Variants in MRGPRE observed in about 807,000 individuals in gnomAD.
MRGPRE encodes the protein mas-related G protein-coupled receptor member E.
For synonymous variants in MRGPRE, 229 were observed against 206.7 expected (o/e 1.11, Z -0.92); for missense variants, 466 against 433.4 (o/e 1.08, Z -0.67).
At position 3,228,793 on chromosome 11, in the gene MRGPRE, C is replaced by T. The variant is rs1167632426; in HGVS notation, c.7G>A (p.Glu3Lys). The T allele has an allele frequency of 6.2e-7, 1 of 1,604,112 alleles. No homozygotes were observed. The highest frequency in any genetic ancestry group is 1.1e-5 in the South Asian group (1 of 90,490). ...ACGTGCTGTCCAGCTTCTCTGGGCTCCATCATGGGGCGGGGGGCCAGGGGA... is the reference window on the plus strand; with the variant it reads ...ACGTGCTGTCCAGCTTCTCTGGGCTTCATCATGGGGCGGGGGGCCAGGGGA... MM[E>K]PREAGQHVGA... Residue 3 changes from glutamate to lysine, a missense_variant, in exon 2 of 2, where the codon GAG becomes AAG. Coordinates refer to ENST00000389832, the MANE Select transcript of MRGPRE (RefSeq NM_001039165.4).
In MRGPRE at chr11:3,225,310, C is replaced by G. The variant is rs1018198209; in HGVS notation, c.*2551G>C. On this transcript the variant is annotated 3_prime_UTR_variant, in exon 2 of 2. Transcript: ENST00000389832. The stretch of plus-strand genomic sequence containing the variant: ...GTTGGCTGCCCCCAGGAGTAGCCGC[C>G]TGTTCTTGGGAATTCTGTGCTGACC... 6.6e-6 allele frequency among the ~76,000 whole-genome samples: 1 copy of G among 152,256 alleles called. No individual in the cohort carries two copies. The highest frequency in any genetic ancestry group is 2.1e-4 in the South Asian group (1 of 4,834).
rs764520679 is a variant in MRGPRE at position 3,229,108 on chromosome 11, G to C, written c.-61-248C>G. Among the ~76,000 whole-genome samples the C allele has an allele frequency of 2.0e-5, 3 of 152,098 alleles. No homozygotes were observed. The highest frequency in any genetic ancestry group is 4.4e-5 in the Non-Finnish European group (3 of 68,030). On this transcript the variant is annotated intron_variant, in intron 1 of 1. Transcript: ENST00000389832. The surrounding 1 kb of genome is among the most constrained non-coding windows in gnomAD (Gnocchi z 4.4). ...GGCCTCAAGAGCCTTCCGTGGGGCT[G>C]GTCCCTGTAGGCCAGGTGGGGGCAG...
rs1431684980 is a variant in MRGPRE, at chr11:3,226,771, A to T, written c.*1090T>A. On this transcript the variant is annotated 3_prime_UTR_variant, in exon 2 of 2. Coordinates refer to ENST00000389832, the MANE Select transcript of MRGPRE (RefSeq NM_001039165.4). ...GTTGGTGGCAGTAGAATCGACAGAC[A>T]TTTCTCTTGGGCTCACGAGAGGCTG... Among the ~76,000 whole-genome samples, 1 of 152,162 alleles carries T rather than the reference A, an allele frequency of 6.6e-6. No individual in the cohort carries two copies. Among genetic ancestry groups the T allele is most frequent in the East Asian group, 1.9e-4 (1 of 5,186 alleles).
In MRGPRE at chr11:3,228,843, C is replaced by T; in HGVS notation, c.-44G>A. 2 of 1,481,274 alleles carry T rather than the reference C, an allele frequency of 1.4e-6. No individual in the cohort carries two copies. 91.8% of individuals were successfully genotyped at this position (1,481,274 alleles called of 1,614,324 possible). Reference sequence around the variant, plus strand: ...ATGCTGCAGGAGTGTGTTCTGCTCGCTCTCTCTCCTGATGCCCCTGTAAAC... The same window carrying T: ...ATGCTGCAGGAGTGTGTTCTGCTCGTTCTCTCTCCTGATGCCCCTGTAAAC... On this transcript the variant is annotated 5_prime_UTR_variant, in exon 2 of 2. Coordinates refer to ENST00000389832, the MANE Select transcript of MRGPRE (RefSeq NM_001039165.4).
Position 3,227,748 on chromosome 11 carries a change from A to T in MRGPRE, c.*113T>A. On this transcript the variant is annotated 3_prime_UTR_variant, in exon 2 of 2. Coordinates refer to ENST00000389832, the MANE Select transcript of MRGPRE (RefSeq NM_001039165.4). ...AACTTTGACAGCACATGACCGGGTC[A>T]CCCACCAAGGCCTCCTCCAGGTCCG... is the stretch of plus-strand genomic sequence containing the variant. 2 of 820,630 alleles carry T rather than the reference A, an allele frequency of 2.4e-6. No homozygotes were observed. Among genetic ancestry groups the T allele is most frequent in the African/African-American group, 3.4e-5 (2 of 58,216 alleles). 50.8% of individuals were successfully genotyped at this position (820,630 alleles called of 1,614,324 possible).
rs1847812141 is a variant in MRGPRE at position 3,229,975 on chromosome 11, C to T, written c.-61-1115G>A. Among the ~76,000 whole-genome samples, 1 of 152,186 alleles carries T rather than the reference C, an allele frequency of 6.6e-6. No homozygotes were observed. The highest frequency in any genetic ancestry group is 6.5e-5 in the Admixed American group (1 of 15,284). ...GGGGACAGGTCCTGCGGGAGGGGTA[C>T]TGAGTCCTGGGAGGCAGCACAAATC... is the stretch of plus-strand genomic sequence containing the variant. On this transcript the variant is annotated intron_variant, in intron 1 of 1. Coordinates refer to ENST00000389832, the MANE Select transcript of MRGPRE (RefSeq NM_001039165.4). The surrounding 1 kb of genome is among the most constrained non-coding windows in gnomAD (Gnocchi z 4.4).
At position 3,228,754 on chromosome 11, in the gene MRGPRE, C is replaced by A. The variant is rs12295710; in HGVS notation, c.46G>T (p.Gly16Cys). ...EAGQHVGAAN[G>C]AQEDVAFNLI... ...TTGAAGGCCACATCCTCCTGGGCGC[C>A]GTTGGCGGCCCCCACGTGCTGTCCA... The change falls in exon 2 of 2, where the codon GGC (glycine) becomes TGC (cysteine). Residue 16 changes from glycine to cysteine, a missense_variant. Coordinates refer to ENST00000389832, the MANE Select transcript of MRGPRE (RefSeq NM_001039165.4). 6.2e-7 allele frequency: 1 copy of A among 1,611,918 alleles called. No homozygotes were observed.
chr11:3,227,828 G>A lies in MRGPRE; in HGVS notation c.*33C>T, dbSNP rs777169739. The A allele has an allele frequency of 1.7e-5, 24 of 1,417,180 alleles. No homozygotes were observed. Among genetic ancestry groups the A allele is most frequent in the South Asian group, 7.7e-5 (5 of 64,874 alleles). 87.8% of individuals were successfully genotyped at this position (1,417,180 alleles called of 1,614,324 possible). A position where few individuals can be genotyped will look rare whatever the true frequency, so the allele number is the denominator to read the frequency against. On this transcript the variant is annotated 3_prime_UTR_variant, in exon 2 of 2. Transcript: ENST00000389832. Reference sequence around the variant, plus strand: ...TCCCCAAGTCACCCTCTTGCCTCACGGGGGCTGCAGCTGGGGTCGGGGGCC... The same window carrying A: ...TCCCCAAGTCACCCTCTTGCCTCACAGGGGCTGCAGCTGGGGTCGGGGGCC...
chr11:3,228,690 C>A lies in MRGPRE; in HGVS notation c.110G>T (p.Gly37Val), dbSNP rs1402939547. 2 of 1,614,008 alleles carry A rather than the reference C, an allele frequency of 1.2e-6. No homozygotes were observed. ...ILSLTEGLGLGGLLGNGAVLW... is the reference protein window; with the variant it reads ...ILSLTEGLGLVGLLGNGAVLW... ...GACTGCCCCATTCCCCAGCAGCCCA[C>A]CGAGGCCGAGCCCCTCGGTGAGGGA... Residue 37 changes from glycine to valine, a missense_variant, in exon 2 of 2, where the codon GGT becomes GTT. Physicochemically the swap from Gly to Val is moderately radical, Grantham distance 109 (BLOSUM62 -3). Coordinates refer to ENST00000389832, the MANE Select transcript of MRGPRE (RefSeq NM_001039165.4).
Position 3,226,994 on chromosome 11 carries a change from G to A in MRGPRE, c.*867C>T, listed in dbSNP as rs1044117628. On this transcript the variant is annotated 3_prime_UTR_variant, in exon 2 of 2. Transcript: ENST00000389832. ...CAGGCCTGGCACTCAGCGGAAGCTCGGAAACCTGTTGAGGGGTGAAGCCTG... is the reference window on the plus strand; with the variant it reads ...CAGGCCTGGCACTCAGCGGAAGCTCAGAAACCTGTTGAGGGGTGAAGCCTG... 2.0e-5 allele frequency among the ~76,000 whole-genome samples: 3 copies of A among 152,222 alleles called. No homozygotes were observed. The highest frequency in any genetic ancestry group is 2.1e-4 in the South Asian group (1 of 4,834).
Position 3,228,596 on chromosome 11 carries a change from C to T in MRGPRE, c.204G>A (p.Ala68=), listed in dbSNP as rs534877746. The T allele has an allele frequency of 1.1e-5, 18 of 1,613,900 alleles. No homozygotes were observed. The highest frequency in any genetic ancestry group is 9.3e-5 in the African/African-American group (7 of 75,044). ...TGTGGCAGCCAAGGAAGATGAGATC[C>T]GCGCAGGCCACGTCCAGGAGGTAGA... ...FAIYLLDVAC[A]DLIFLGCHMV... The change falls in exon 2 of 2, where the codon GCG becomes GCA. Residue 68 remains alanine (A), a synonymous_variant. Coordinates refer to ENST00000389832, the MANE Select transcript of MRGPRE (RefSeq NM_001039165.4).
rs1170367172 is a variant in MRGPRE, at chr11:3,228,845, C to G, written c.-46G>C. 6.7e-6 allele frequency: 10 copies of G among 1,483,392 alleles called. No homozygotes were observed. Among genetic ancestry groups the G allele is most frequent in the Middle Eastern group, 3.7e-4 (2 of 5,456 alleles). The allele number at this position is 1,483,392 out of a possible 1,614,324, so 91.9% of individuals were successfully genotyped here. A position where few individuals can be genotyped will look rare whatever the true frequency, so the allele number is the denominator to read the frequency against. On this transcript the variant is annotated 5_prime_UTR_variant, in exon 2 of 2. Coordinates refer to ENST00000389832, the MANE Select transcript of MRGPRE (RefSeq NM_001039165.4). ...GCTGCAGGAGTGTGTTCTGCTCGCT[C>G]TCTCTCCTGATGCCCCTGTAAACCA...
rs1847750505 is a variant in MRGPRE at position 3,225,564 on chromosome 11, G to A, written c.*2297C>T. Among the ~76,000 whole-genome samples the A allele has an allele frequency of 1.3e-5, 2 of 152,188 alleles. No individual in the cohort carries two copies. The highest frequency in any genetic ancestry group is 6.5e-5 in the Admixed American group (1 of 15,284). On this transcript the variant is annotated 3_prime_UTR_variant, in exon 2 of 2. Coordinates refer to ENST00000389832, the MANE Select transcript of MRGPRE (RefSeq NM_001039165.4). ...CAGAGGAGGCGCAGGCTGGGCAGGG[G>A]CAGGTGGGAGCCTGGACGGAAGCTC...
chr11:3,227,792 C>G lies in MRGPRE; in HGVS notation c.*69G>C, dbSNP rs941997720. The G allele has an allele frequency of 3.8e-6, 5 of 1,311,816 alleles. No homozygotes were observed. In the Admixed American group the frequency reaches 8.8e-5, roughly 23 times the overall value. 81.3% of individuals were successfully genotyped at this position (1,311,816 alleles called of 1,614,324 possible). On this transcript the variant is annotated 3_prime_UTR_variant, in exon 2 of 2. Transcript: ENST00000389832. ...AGGTCCGGCTGGCCCCAGCCTCTGA[C>G]CCCACCACCTTCCCCAAGTCACCCT...
Position 3,228,106 on chromosome 11 carries a change from G to T in MRGPRE, c.694C>A (p.Pro232Thr), listed in dbSNP as rs985698013. Residue 232 changes from proline to threonine, a missense_variant, in exon 2 of 2, where the codon CCC becomes ACC. Transcript: ENST00000389832. ...TVLLFLFCGL[P>T]FGIYWLSRNL... ...CGGGACAGCCAGTAGATGCCGAAGG[G>T]CAGGCCGCAGAAGAGGAAGAGGAGG... The T allele has an allele frequency of 6.3e-7, 1 of 1,597,512 alleles. No homozygotes were observed. The highest frequency in any genetic ancestry group is 8.5e-7 in the Non-Finnish European group (1 of 1,172,480).
Position 3,231,963 on chromosome 11 carries a change from G to T in MRGPRE, c.-62+178C>A, listed in dbSNP as rs879314462. ...TCAGCCCAGGGCTGGCTGCGGACCAGGTGGTGCGGCCCGTCAGAGGGCGGA... is the reference window on the plus strand; with the variant it reads ...TCAGCCCAGGGCTGGCTGCGGACCATGTGGTGCGGCCCGTCAGAGGGCGGA... On this transcript the variant is annotated intron_variant, in intron 1 of 1. Transcript: ENST00000389832. This position sits in a 1 kb window ranked among gnomAD's most constrained non-coding sequence, Gnocchi z 4.7. Among the ~76,000 whole-genome samples the T allele has an allele frequency of 5.9e-5, 9 of 152,152 alleles. No individual in the cohort carries two copies. In the East Asian group the frequency reaches 1.2e-3, roughly 20 times the overall value.
At position 3,231,802 on chromosome 11, in the gene MRGPRE, C is replaced by T. The variant is rs148572931; in HGVS notation, c.-62+339G>A. ...GAGGAGAGGGCCTATCCCCGGCTGCCCCCATGACTCCCCTTGAGAGTCTGC... is the reference window on the plus strand; with the variant it reads ...GAGGAGAGGGCCTATCCCCGGCTGCTCCCATGACTCCCCTTGAGAGTCTGC... On this transcript the variant is annotated intron_variant, in intron 1 of 1. Transcript: ENST00000389832. The surrounding 1 kb of genome is among the most constrained non-coding windows in gnomAD (Gnocchi z 4.7). Among the ~76,000 whole-genome samples the T allele has an allele frequency of 1.6e-3, 239 of 151,880 alleles. 2 individuals are homozygous for T. Among genetic ancestry groups the T allele is most frequent in the African/African-American group, 5.4e-3 (223 of 41,450 alleles).
rs1250406697 is a variant in MRGPRE at position 3,231,284 on chromosome 11, G to T, written c.-62+857C>A. Among the ~76,000 whole-genome samples the T allele has an allele frequency of 1.3e-5, 2 of 152,038 alleles. No homozygotes were observed. Among genetic ancestry groups the T allele is most frequent in the African/African-American group, 4.8e-5 (2 of 41,404 alleles). On this transcript the variant is annotated intron_variant, in intron 1 of 1. Transcript: ENST00000389832. This position sits in a 1 kb window ranked among gnomAD's most constrained non-coding sequence, Gnocchi z 4.7. Reference sequence around the variant, plus strand: ...AGAGGGAGAGGGGAGAGTGCAGGAAGGGGAGAGGCATGAAGAGATGGGGGA... The same window carrying T: ...AGAGGGAGAGGGGAGAGTGCAGGAATGGGAGAGGCATGAAGAGATGGGGGA...
At position 3,228,392 on chromosome 11, in the gene MRGPRE, T is replaced by TG. The variant is rs1426249096; in HGVS notation, c.407dup (p.Arg137ThrfsTer159). 2 of 1,598,774 alleles carry TG rather than the reference T, an allele frequency of 1.3e-6. No individual in the cohort carries two copies. Among genetic ancestry groups the TG allele is most frequent in the Non-Finnish European group, 8.5e-7 (1 of 1,174,656 alleles). On this transcript the variant is annotated frameshift_variant, in exon 2 of 2. Coordinates refer to ENST00000389832, the MANE Select transcript of MRGPRE (RefSeq NM_001039165.4). LOFTEE classifies it low-confidence loss of function (END_TRUNC). ...CGCACACACAGGTGGTCAGGTGGCG[T>TG]GGGCGGCGGCACGAGTACCAGGCTG...
Sources: gnomAD v4.1 joint callset for allele counts (sites outside exome capture counted in the v4.1 genomes callset) on GRCh38, gnomAD v4.1.1 for gene constraint, Gnocchi (gnomAD v3.1) non-coding constraint, MANE v1.5 for transcripts, NCBI Gene and HGNC (gene_info 2026-07-23, HGNC 2026-07-21) for gene names.